The following CACNA2D1 variants were observed in gnomAD, a reference collection of about 807,000 sequenced individuals.
CACNA2D1 encodes the protein voltage-dependent calcium channel subunit alpha-2/delta-1.
In CACNA2D1, 53 loss-of-function variants were observed where a neutral mutation model predicts 171.5. The observed-to-expected ratio is 0.31, with a 90% confidence interval of 0.25 to 0.39. The LOEUF is 0.39. Among genes scored for constraint, CACNA2D1 ranks in the 10% least tolerant of loss-of-function variants. The pLI is 1.00. For missense variants in CACNA2D1, 903 were observed against 1,299.8 expected (o/e 0.69, Z 4.69); for synonymous variants, 442 against 443.1 (o/e 1.00, Z 0.03).
chr7:82,170,921 C>A (rs908373743), intron 3 of CACNA2D1, among the ~76,000 whole-genome samples: 1 of 152,010 alleles, frequency 6.6e-6, no homozygotes, highest in Non-Finnish European at 1.5e-5. Flanking sequence ...TTTAGAAAAA[C>A]ACTTAAGTAT....
rs150304859 is a variant in CACNA2D1 at position 82,154,436 on chromosome 7, G to A, written c.354+16114C>T. On this transcript the variant is annotated intron_variant, in intron 4 of 38. Coordinates refer to ENST00000356860, the MANE Select transcript of CACNA2D1 (RefSeq NM_000722.4). ...CTCCTAAGTGGGAGTTGAACACATGGACACAGGAAGGGGAACAACACACAC... is the reference window on the plus strand; with the variant it reads ...CTCCTAAGTGGGAGTTGAACACATGAACACAGGAAGGGGAACAACACACAC... Among the ~76,000 whole-genome samples, 219 of 152,106 alleles carry A rather than the reference G, an allele frequency of 1.4e-3. 1 individual carries two copies. The highest frequency in any genetic ancestry group is 4.9e-3 in the African/African-American group (203 of 41,508).
At chr7:82,084,973 A>T (rs1390827655) in intron 6 of CACNA2D1, 73 bp from the exon 7 acceptor site, 3 of 1,194,486 alleles carry the variant, frequency 2.5e-6, no homozygotes, top group Non-Finnish European at 3.7e-6. Flanking sequence ...ATTTATTTAC[A>T]AAATAATATT....
chr7:82,348,404 C>A (rs1477586570), intron 2 of CACNA2D1, among the ~76,000 whole-genome samples: 1 of 152,028 alleles, frequency 6.6e-6, no homozygotes, highest in Non-Finnish European at 1.5e-5. Context: ...TGTCAGTTCT[C>A]TGAGGAGAGG....
chr7:82,372,944 G>A (rs1476773818), intron 1 of CACNA2D1, among the ~76,000 whole-genome samples: 2 of 152,144 alleles, frequency 1.3e-5, no homozygotes, highest in Admixed American at 6.5e-5. Flanking sequence ...CAGCACTTTG[G>A]GAAGCCAAGG....
At chr7:82,005,665 G>C (rs1323376175) in intron 17 of CACNA2D1, 100 bp downstream of exon 17, 3 of 946,196 alleles carry the variant, frequency 3.2e-6, no homozygotes, top group African/African-American at 1.6e-5. Context: ...CCTTTGCTAA[G>C]ATAACTGCCC....
At chr7:82,309,273 G>A (rs1814122136) in intron 3 of CACNA2D1, among the ~76,000 whole-genome samples, 2 of 152,080 alleles carry the variant, frequency 1.3e-5, no homozygotes, top group South Asian at 4.2e-4. Context: ...GAGCATGGTG[G>A]TGGATGCCTG....
rs139136132 is a variant in CACNA2D1 at position 82,080,674 on chromosome 7, T to C, written c.658+4095A>G. ...ACATTTAATTGGACATCTTTTATCG[T>C]ATCTGGCAGCCCTACAGAAAAGTGA... On this transcript the variant is annotated intron_variant, in intron 7 of 38. Transcript: ENST00000356860. Among the ~76,000 whole-genome samples, 245 of 152,350 alleles carry C rather than the reference T, an allele frequency of 1.6e-3. 1 individual carries two copies. Among genetic ancestry groups the C allele is most frequent in the Non-Finnish European group, 2.0e-3 (137 of 68,024 alleles).
At chr7:82,146,983 CAAAAAAAAAAAAAAAAAAA>C (rs764990586) in intron 4 of CACNA2D1, among the ~76,000 whole-genome samples, 7 of 25,476 alleles carry the variant, frequency 2.7e-4, no homozygotes, top group South Asian at 2.5e-3. Context: ...ACTCCCATCT[CAAAAAAAAAAAAAAAAAAA>C]AAAAAAAAAA....
intron 1 of CACNA2D1, among the ~76,000 whole-genome samples, chr7:82,350,061 C>T (rs1398518800): frequency 6.6e-6 from 1 of 152,048 alleles, no homozygotes; most frequent in African/African-American, 2.4e-5. Flanking sequence ...AGAATAATTC[C>T]ACCAGCCAGG....
At chr7:82,084,630 T>C (rs994756539) in intron 7 of CACNA2D1, 139 bp downstream of exon 7, 4 of 999,060 alleles carry the variant, frequency 4.0e-6, no homozygotes, top group Non-Finnish European at 4.7e-6. Context: ...TCCAAAGCCA[T>C]GTAAAGAGGA....
At chr7:82,320,729 C>A (rs553555507) in intron 3 of CACNA2D1, among the ~76,000 whole-genome samples, 1 of 151,972 alleles carries the variant, frequency 6.6e-6, no homozygotes, top group African/African-American at 2.4e-5. Flanking sequence ...TGCTGTTAGA[C>A]ACTACAATTT....
At chr7:82,163,735 T>C (rs184845379) in intron 4 of CACNA2D1, among the ~76,000 whole-genome samples, 31 of 152,062 alleles carry the variant, frequency 2.0e-4, no homozygotes, top group East Asian at 5.8e-4. Flanking sequence ...CTTTGGGATG[T>C]TGCAATGGCA....
In CACNA2D1 at chr7:82,181,041, A is replaced by ATT. The variant is rs71093367; in HGVS notation, c.295-10434_295-10433dup. Among the ~76,000 whole-genome samples, 65 of 13,954 alleles carry ATT rather than the reference A, an allele frequency of 4.7e-3. 21 individuals carry two copies. The highest frequency in any genetic ancestry group is 7.4e-3 in the Non-Finnish European group (49 of 6,620). The allele number at this position is 13,954 out of a possible 152,430, so 9.2% of individuals were successfully genotyped here. On this transcript the variant is annotated intron_variant, in intron 3 of 38. Transcript: ENST00000356860. ...GGTCAGCAGCTGTGGGGCATGTCGG[A>ATT]TTTTTTTTTTTTTTTTTTTTTTTTT...
At chr7:82,254,068 C>G (rs1009473702) in intron 3 of CACNA2D1, among the ~76,000 whole-genome samples, 4 of 152,068 alleles carry the variant, frequency 2.6e-5, no homozygotes, top group African/African-American at 9.7e-5. Flanking sequence ...TTTTGCTTCA[C>G]TACATACTAA....
chr7:82,030,699 A>G (rs2131131846), intron 12 of CACNA2D1, among the ~76,000 whole-genome samples: 1 of 152,010 alleles, frequency 6.6e-6, no homozygotes, highest in Non-Finnish European at 1.5e-5. Flanking sequence ...TACCTATTAA[A>G]ATGATATAAG....
chr7:82,443,752 C>T lies in CACNA2D1; in HGVS notation c.-293G>A. 1.7e-6 allele frequency: 2 copies of T among 1,179,406 alleles called. No homozygotes were observed. The highest frequency in any genetic ancestry group is 3.2e-5 in the African/African-American group (2 of 63,278). The allele number at this position is 1,179,406 out of a possible 1,614,324, so 73.1% of individuals were successfully genotyped here. On this transcript the variant is annotated 5_prime_UTR_variant, in exon 1 of 39. Transcript: ENST00000356860. Reference sequence around the variant, plus strand: ...GACTTTGGAAACAGACCTCGGCGAGCCCGCCGGCGCTCGCGCGCTCTCGCT... The same window carrying T: ...GACTTTGGAAACAGACCTCGGCGAGTCCGCCGGCGCTCGCGCGCTCTCGCT...
intron 1 of CACNA2D1, among the ~76,000 whole-genome samples, chr7:82,368,346 A>T (rs1166003091): frequency 1.7e-4 from 26 of 152,238 alleles, no homozygotes; most frequent in Admixed American, 1.7e-3. Context: ...GTACTATTTA[A>T]CATTATATGG....
chr7:82,327,226 T>C (rs1326694419), intron 3 of CACNA2D1, among the ~76,000 whole-genome samples: 1 of 152,194 alleles, frequency 6.6e-6, no homozygotes, highest in Non-Finnish European at 1.5e-5. Flanking sequence ...TTGCCCAATT[T>C]TGTTCAGAGA....
At chr7:82,138,856 G>A (rs117576300) in intron 4 of CACNA2D1, among the ~76,000 whole-genome samples, 2,008 of 152,244 alleles carry the variant, frequency 0.013, 22 homozygotes, top group Non-Finnish European at 0.018. Flanking sequence ...GATCCTGCTT[G>A]TACCTCTGCA....
Sources: allele counts gnomAD v4.1 joint callset (sites outside exome capture counted in the v4.1 genomes callset), GRCh38; gene constraint gnomAD v4.1.1; transcripts MANE v1.5; gene names NCBI Gene and HGNC (gene_info 2026-07-23, HGNC 2026-07-21).